The following CACYBP variants were observed in gnomAD, a reference collection of about 807,000 sequenced individuals.
CACYBP encodes calcyclin-binding protein.
CACYBP carries 11 observed loss-of-function variants against 29.6 expected under a neutral mutation model. The observed-to-expected ratio is 0.37, with a 90% CI of 0.23 to 0.61. CACYBP has a LOEUF of 0.61. Ranked by LOEUF, CACYBP falls within the 20% of genes least tolerant of loss-of-function variation. The pLI, the probability that CACYBP is intolerant of heterozygous loss-of-function variation, is 0.65. For missense variants in CACYBP, 163 were observed against 260.7 expected, an observed-to-expected ratio of 0.63 and a Z score of 2.58; for synonymous variants, 73 against 88.3, an observed-to-expected ratio of 0.83 and a Z score of 0.97.
chr1:175,009,951 C>T lies in CACYBP; in HGVS notation c.559C>T (p.Pro187Ser), dbSNP rs371625311. 2.5e-5 allele frequency: 40 copies of T among 1,612,348 alleles called. No individual in the cohort carries two copies. The highest frequency in any genetic ancestry group is 3.1e-5 in the Non-Finnish European group (36 of 1,179,006). ...EKPSYDTETD[P>S]SEGLMNVLKK... ...GCCCTCCTATGACACTGAAACAGAT[C>T]CTAGTGAGGGATTGATGAATGTTCT... The change falls in exon 6 of 6, where the codon CCT becomes TCT. Residue 187 changes from proline to serine, a missense_variant. Transcript: ENST00000367679.
At chr1:175,005,126 T>TGG (rs1377823433) in intron 2 of CACYBP, 1 of 378,230 alleles carries the variant, frequency 2.6e-6, no homozygotes, top group Non-Finnish European at 5.0e-6. Flanking sequence ...GTGGTGGTGG[T>TGG]TTTTAATCAT....
chr1:175,006,940 G>T, intron 3 of CACYBP, 99 bp downstream of exon 3: 1 of 870,192 alleles, frequency 1.1e-6, no homozygotes, highest in Non-Finnish European at 1.9e-6. Context: ...CTTAAATTTA[G>T]AATTAATTAT....
In CACYBP at chr1:175,005,101, T is replaced by TTGGTGG. The variant is rs199946453; in HGVS notation, c.235+288_235+293dup. 93 of 423,430 alleles carry TTGGTGG rather than the reference T, an allele frequency of 2.2e-4. 1 individual carries two copies. The highest frequency in any genetic ancestry group is 2.1e-3 in the South Asian group (83 of 39,158). The allele number at this position is 423,430 out of a possible 1,614,324, so 26.2% of individuals were successfully genotyped here. ...AAATTGTTCAGTATAAGACACAGCTTTGGTGGTGGTGGTGGTGGTGGTGGT... is the reference window on the plus strand; with the variant it reads ...AAATTGTTCAGTATAAGACACAGCTTTGGTGGTGGTGGTGGTGGTGGTGGTGGTGGT... On this transcript the variant is annotated intron_variant, in intron 2 of 5. Transcript: ENST00000367679.
intron 1 of CACYBP, among the ~76,000 whole-genome samples, chr1:175,003,602 G>C (rs1295047476): frequency 6.6e-6 from 1 of 152,218 alleles, no homozygotes; most frequent in Non-Finnish European, 1.5e-5. Context: ...GAGTTATAAA[G>C]CACTAAAAGA....
chr1:175,000,164 G>A lies in CACYBP; in HGVS notation c.-17G>A, dbSNP rs1320381481. On this transcript the variant is annotated 5_prime_UTR_variant, in exon 1 of 6. Transcript: ENST00000367679. The stretch of plus-strand genomic sequence containing the variant: ...CTGCGCGGCTGCAGCTCGGGACTTC[G>A]GCCTGACCCAGCCCCCATGGCTTCA... 5.0e-6 allele frequency: 8 copies of A among 1,605,492 alleles called. No individual in the cohort carries two copies. Among genetic ancestry groups the A allele is most frequent in the Non-Finnish European group, 6.8e-6 (8 of 1,176,158 alleles).
upstream of CACYBP, chr1:174,999,648 G>C (rs1462154367): frequency 4.4e-6 from 1 of 228,456 alleles, no homozygotes; most frequent in Non-Finnish European, 8.7e-6. Flanking sequence ...GACGAAAGCA[G>C]GTGACTCTCT....
At chr1:175,009,055 A>G (rs1402771966) in intron 5 of CACYBP, among the ~76,000 whole-genome samples, 1 of 152,220 alleles carries the variant, frequency 6.6e-6, no homozygotes, top group Non-Finnish European at 1.5e-5. Flanking sequence ...AAAAAGATAA[A>G]ATATTTTTAT....
At chr1:175,001,550 A>G (rs1672489012) in intron 1 of CACYBP, among the ~76,000 whole-genome samples, 1 of 152,198 alleles carries the variant, frequency 6.6e-6, no homozygotes, top group Admixed American at 6.5e-5. Context: ...TGCCTATTGT[A>G]GGCATTTCAT....
intron 2 of CACYBP, among the ~76,000 whole-genome samples, chr1:175,006,180 T>C (rs1023213185): frequency 2.0e-5 from 3 of 152,174 alleles, no homozygotes; most frequent in African/African-American, 7.2e-5. Context: ...GCTGGTAGTT[T>C]GATAATACAT....
chr1:175,002,389 C>T (rs1672514849), intron 1 of CACYBP, among the ~76,000 whole-genome samples: 1 of 152,090 alleles, frequency 6.6e-6, no homozygotes, highest in African/African-American at 2.4e-5. Flanking sequence ...AGATGTTGAG[C>T]ATCTTTAATG....
chr1:175,005,198 A>C lies in CACYBP; in HGVS notation c.235+365A>C, dbSNP rs1672589374. Reference sequence around the variant, plus strand: ...TGAGGAGAGGAATCCAGTTAAATTCAGGAAATATTTTTGAGCACCTAATGT... The same window carrying C: ...TGAGGAGAGGAATCCAGTTAAATTCCGGAAATATTTTTGAGCACCTAATGT... On this transcript the variant is annotated intron_variant, in intron 2 of 5. Transcript: ENST00000367679. 16 of 315,034 alleles carry C rather than the reference A, an allele frequency of 5.1e-5. 1 individual carries two copies. Among genetic ancestry groups the C allele is most frequent in the South Asian group, 3.9e-4 (13 of 33,210 alleles). 19.5% of individuals were successfully genotyped at this position (315,034 alleles called of 1,614,324 possible).
At chr1:175,000,389 C>T (rs1365001226) in intron 1 of CACYBP, 194 bp downstream of exon 1, 7 of 1,415,798 alleles carry the variant, frequency 4.9e-6, no homozygotes, top group Non-Finnish European at 6.4e-6. Context: ...TTCCACTCGA[C>T]CTCGCACCCC....
chr1:175,008,948 T>C (rs1672682255), intron 5 of CACYBP: 4 of 394,888 alleles, frequency 1.0e-5, no homozygotes, highest in South Asian at 4.4e-5. Context: ...CCAGATACTC[T>C]GTTTCGGTAG....
chr1:175,000,056 C>A lies in CACYBP; in HGVS notation c.-125C>A. 1 of 1,349,848 alleles carries A rather than the reference C, an allele frequency of 7.4e-7. No homozygotes were observed. Among genetic ancestry groups the A allele is most frequent in the African/African-American group, 1.5e-5 (1 of 68,026 alleles). 83.6% of individuals were successfully genotyped at this position (1,349,848 alleles called of 1,614,324 possible). A position where few individuals can be genotyped will look rare whatever the true frequency, so the allele number is the denominator to read the frequency against. On this transcript the variant is annotated 5_prime_UTR_variant, in exon 1 of 6. Coordinates refer to ENST00000367679, the MANE Select transcript of CACYBP (RefSeq NM_014412.3). The stretch of plus-strand genomic sequence containing the variant: ...CGATCTTGCGCAGGGTCGGTGTGGG[C>A]GCAGGCTGCAGCGCCGCGACTCGTG...
At chr1:175,005,131 AATC>A in intron 2 of CACYBP, 1 of 374,502 alleles carries the variant, frequency 2.7e-6, no homozygotes. Context: ...GGTGGTTTTT[AATC>A]ATGTTTTATG....
In CACYBP at chr1:175,009,946, C is replaced by T. The variant is rs1361527602; in HGVS notation, c.554C>T (p.Thr185Ile). Residue 185 changes from threonine (T) to isoleucine (I), a missense_variant, in exon 6 of 6, where the codon ACA (threonine) becomes ATA (isoleucine). Coordinates refer to ENST00000367679, the MANE Select transcript of CACYBP (RefSeq NM_014412.3). ...AGGAAGCCCTCCTATGACACTGAAA[C>T]AGATCCTAGTGAGGGATTGATGAAT... The part of the protein sequence containing the change: ...EKEKPSYDTE[T>I]DPSEGLMNVL... 8 of 1,612,556 alleles carry T rather than the reference C, an allele frequency of 5.0e-6. No homozygotes were observed. The highest frequency in any genetic ancestry group is 6.8e-6 in the Non-Finnish European group (8 of 1,179,094).
intron 5 of CACYBP, 196 bp downstream of exon 5, chr1:175,008,902 G>A (rs61828157): frequency 0.12 from 63,193 of 536,394 alleles, 4,107 homozygotes; most frequent in East Asian, 0.22. Flanking sequence ...AACCCTAGGC[G>A]CAGTTGTGCT....
intron 1 of CACYBP, chr1:175,000,619 A>G: frequency 2.8e-6 from 3 of 1,053,762 alleles, no homozygotes; most frequent in Non-Finnish European, 3.4e-6. Context: ...CAGTGCTAGC[A>G]CTTGAATTCT....
upstream of CACYBP, chr1:174,999,499 C>T (rs1189522119): frequency 6.5e-6 from 1 of 154,002 alleles, no homozygotes; most frequent in African/African-American, 2.4e-5. Context: ...ATTAGGAGCC[C>T]TCCACGCTTA....
Sources: allele counts gnomAD v4.1 joint callset (sites outside exome capture counted in the v4.1 genomes callset), GRCh38; gene constraint gnomAD v4.1.1; transcripts MANE v1.5; gene names NCBI Gene and HGNC (gene_info 2026-07-23, HGNC 2026-07-21).